The following DMBT1 variants were observed in gnomAD, a reference collection of about 807,000 sequenced individuals.
DMBT1 encodes scavenger receptor cysteine-rich domain-containing protein DMBT1.
In DMBT1, 198 loss-of-function variants were observed where a neutral mutation model predicts 252.9. That is an observed-to-expected ratio of 0.78 (90% CI 0.70 to 0.88). The LOEUF is 0.88. DMBT1 is among the 40% of genes least tolerant of loss of function. The pLI is 0.00. For missense variants in DMBT1, 2,432 were observed against 2,404.7 expected (o/e 1.01, Z -0.24); for synonymous variants, 990 against 942.7 (o/e 1.05, Z -0.92).
In DMBT1 at chr10:122,618,330, C is replaced by A. The variant is rs1346001086; in HGVS notation, c.5205C>A (p.Val1735=). 2 of 1,613,878 alleles carry A rather than the reference C, an allele frequency of 1.2e-6. No individual in the cohort carries two copies. Among genetic ancestry groups the A allele is most frequent in the Non-Finnish European group, 1.7e-6 (2 of 1,179,776 alleles). The change falls in exon 41 of 56, where the codon GTC becomes GTA. Residue 1735 remains valine (V), a synonymous_variant. Coordinates refer to ENST00000338354, the MANE Select transcript of DMBT1 (RefSeq NM_001377530.1). Reference sequence around the variant, plus strand: ...GTGGCCATCATGAAGATGCTGGTGTCATCTGCTCAGGTGGGCTTTCAAGAC... The same window carrying A: ...GTGGCCATCATGAAGATGCTGGTGTAATCTGCTCAGGTGGGCTTTCAAGAC... ...HNCGHHEDAG[V]ICSAAQSQST... is the part of the protein sequence containing the mutation.
Position 122,643,369 on chromosome 10 carries a change from C to A in DMBT1, c.7600C>A (p.Pro2534Thr), listed in dbSNP as rs539918670. 1 of 1,613,772 alleles carries A rather than the reference C, an allele frequency of 6.2e-7. No homozygotes were observed. The highest frequency in any genetic ancestry group is 8.5e-7 in the Non-Finnish European group (1 of 1,179,780). Residue 2534 changes from proline (P) to threonine (T), a missense_variant, in exon 56 of 56, where the codon CCC becomes ACC. Pro to Thr is a conservative substitution (Grantham distance 38). Around this residue, in one of 3 missense-constraint regions of DMBT1, gnomAD observed 1,162 missense variants for 1,169.0 expected, o/e 0.99. Coordinates refer to ENST00000338354, the MANE Select transcript of DMBT1 (RefSeq NM_001377530.1). ...CCTGGGTCCCATCCAGCTGCAGACC[C>A]CCCCACGCCGAGAAGAGGAGCCTCG... ...VVLGPIQLQTPPRREEEPR is the reference protein window; with the variant it reads ...VVLGPIQLQTTPRREEEPR
In DMBT1 at chr10:122,623,791, C is replaced by T. The variant is rs542250654; in HGVS notation, c.5609-1486C>T. On this transcript the variant is annotated intron_variant, in intron 44 of 55. Transcript: ENST00000338354. Reference sequence around the variant, plus strand: ...AGTATCTTAGCCCAGGCTCACAGGACAGGGTTCAGGTACACAGAGGGATCA... The same window carrying T: ...AGTATCTTAGCCCAGGCTCACAGGATAGGGTTCAGGTACACAGAGGGATCA... Among the ~76,000 whole-genome samples the T allele has an allele frequency of 1.4e-4, 21 of 152,322 alleles. No individual in the cohort carries two copies. In the South Asian group the frequency reaches 3.7e-3, roughly 27 times the overall value.
At chr10:122,561,481 G>A (rs2097545235) in intron 1 of DMBT1, among the ~76,000 whole-genome samples, 1 of 152,100 alleles carries the variant, frequency 6.6e-6, no homozygotes, top group African/African-American at 2.4e-5. Flanking sequence ...CACTCTGATT[G>A]CTGCATCTCA....
At chr10:122,638,332 C>CATTCACACCT in intron 54 of DMBT1, among the ~76,000 whole-genome samples, 1 of 152,246 alleles carries the variant, frequency 6.6e-6, no homozygotes, top group Admixed American at 6.5e-5. Context: ...CATTCACACC[C>CATTCACACCT]GTTTGGAGCG....
At chr10:122,572,657 A>G (rs566889780) in intron 5 of DMBT1, among the ~76,000 whole-genome samples, 1 of 129,206 alleles carries the variant, frequency 7.7e-6, no homozygotes, top group Non-Finnish European at 1.6e-5. Context: ...AATGAAGGCC[A>G]AGGGATCATC....
At chr10:122,576,957 C>G (rs546711253) in intron 7 of DMBT1, among the ~76,000 whole-genome samples, 1 of 152,354 alleles carries the variant, frequency 6.6e-6, no homozygotes, top group Admixed American at 6.5e-5. Flanking sequence ...CCGCCCAAGT[C>G]TTTCCTGGTT....
chr10:122,619,936 C>A (rs1437219647), intron 42 of DMBT1, among the ~76,000 whole-genome samples: 1 of 152,244 alleles, frequency 6.6e-6, no homozygotes, highest in Non-Finnish European at 1.5e-5. Flanking sequence ...AACATTTTAG[C>A]TCGAACTGTC....
At chr10:122,629,623 T>A (rs1368737151) in intron 46 of DMBT1, among the ~76,000 whole-genome samples, 3 of 152,238 alleles carry the variant, frequency 2.0e-5, no homozygotes, top group African/African-American at 7.2e-5. Flanking sequence ...AGAGGGTTGC[T>A]GTCCAGGCCT....
Position 122,585,285 on chromosome 10 carries a change from A to G in DMBT1, c.1435A>G (p.Ile479Val), listed in dbSNP as rs761101510. Residue 479 changes from isoleucine to valine, a missense_variant, in exon 15 of 56, where the codon ATC becomes GTC. Coordinates refer to ENST00000338354, the MANE Select transcript of DMBT1 (RefSeq NM_001377530.1). ...STPSPDTLPT[I>V]TLPASTVGSE... ...TGCAATTACAGACACGTTGCCGACC[A>G]TCACCTTACCTGCATCGACAGTAGG... 36 of 1,586,882 alleles carry G rather than the reference A, an allele frequency of 2.3e-5. 1 individual carries two copies. In the Admixed American group the frequency reaches 5.5e-4, roughly 24 times the overall value.
intron 47 of DMBT1, 136 bp from the exon 48 acceptor site, chr10:122,630,152 G>A (rs2098149759): frequency 7.4e-7 from 1 of 1,351,360 alleles, no homozygotes; most frequent in East Asian, 2.3e-5. Context: ...GAACACTGAT[G>A]TCCTTTGACT....
At position 122,572,360 on chromosome 10, in the gene DMBT1, A is replaced by T. The variant is rs1415516926; in HGVS notation, c.234A>T (p.Glu78Asp). 6.2e-7 allele frequency: 1 copy of T among 1,613,046 alleles called. No homozygotes were observed. Among genetic ancestry groups the T allele is most frequent in the Non-Finnish European group, 8.5e-7 (1 of 1,179,176 alleles). Reference protein sequence around the residue: ...LESTLESTVAEGSLIPSESTL... With the variant: ...LESTLESTVADGSLIPSESTL... ...CAACCCTGGAGTCAACCGTAGCAGA[A>T]GGTAACGTCTACTATGGGGGAGCTC... is the stretch of plus-strand genomic sequence containing the variant. Residue 78 changes from glutamate (E) to aspartate (D), a missense_variant and splice_region_variant, in exon 5 of 56, where the codon GAA becomes GAT. By Grantham distance (45) the Glu-to-Asp change is conservative (BLOSUM62 2). Coordinates refer to ENST00000338354, the MANE Select transcript of DMBT1 (RefSeq NM_001377530.1).
In DMBT1 at chr10:122,620,281, A is replaced by G. The variant is rs541429602; in HGVS notation, c.5274A>G (p.Ala1758=). ...PDTWLTTNLP[A]LTVGSESSLA... ...CTTGGCTGACCACCAACTTACCGGCATTGACAGTAGGTAAATAATCCTCTC... is the reference window on the plus strand; with the variant it reads ...CTTGGCTGACCACCAACTTACCGGCGTTGACAGTAGGTAAATAATCCTCTC... The change falls in exon 43 of 56, where the codon GCA becomes GCG. Residue 1758 remains alanine, a synonymous_variant. Transcript: ENST00000338354. The G allele has an allele frequency of 6.2e-7, 1 of 1,613,924 alleles. No individual in the cohort carries two copies. Among genetic ancestry groups the G allele is most frequent in the South Asian group, 1.1e-5 (1 of 91,076 alleles).
intron 44 of DMBT1, 22 bp downstream of exon 44, chr10:122,621,402 C>T: frequency 1.2e-6 from 2 of 1,613,778 alleles, no homozygotes; most frequent in South Asian, 1.1e-5. Flanking sequence ...AGACCTGGGG[C>T]TCCCTCTCTT....
intron 52 of DMBT1, among the ~76,000 whole-genome samples, chr10:122,634,455 TC>T (rs1323164230): frequency 3.0e-5 from 3 of 99,892 alleles, no homozygotes; most frequent in African/African-American, 1.7e-4. Context: ...TCTCTCTCTC[TC>T]TCTCTCTCTC....
chr10:122,564,384 G>A (rs567148186), intron 1 of DMBT1, among the ~76,000 whole-genome samples: 1 of 152,314 alleles, frequency 6.6e-6, no homozygotes, highest in African/African-American at 2.4e-5. Context: ...CAGGAGGCTC[G>A]CTTGAACCCA....
chr10:122,586,434 G>A lies in DMBT1; in HGVS notation c.1783+51G>A, dbSNP rs1012586696. On this transcript the variant is annotated intron_variant, in intron 16 of 55. Coordinates refer to ENST00000338354, the MANE Select transcript of DMBT1 (RefSeq NM_001377530.1). The stretch of plus-strand genomic sequence containing the variant: ...CTCTCTTGGGGTAGATTTTGCTCAG[G>A]AAGGTTTTATTATGTTCTAATCTCC... The A allele has an allele frequency of 3.8e-6, 6 of 1,580,312 alleles. No homozygotes were observed. The Admixed American group carries it at 1.0e-4, about 27-fold the overall frequency.
chr10:122,642,119 C>T (rs1844652129), intron 55 of DMBT1, among the ~76,000 whole-genome samples: 1 of 151,944 alleles, frequency 6.6e-6, no homozygotes, highest in Non-Finnish European at 1.5e-5. Flanking sequence ...TGTCCCACCT[C>T]TGAACAAGCC....
Position 122,630,459 on chromosome 10 carries a change from C to T in DMBT1, c.5994C>T (p.Gly1998=). ...GTGACATCAGTTTCCAAAACACTGG[C>T]TTTTTGGCTTGGTATAACTCCTTCC... is the stretch of plus-strand genomic sequence containing the variant. ...FRSDISFQNT[G]FLAWYNSFPS... Residue 1998 remains glycine (G), a synonymous_variant, in exon 48 of 56, where the codon GGC becomes GGT. Transcript: ENST00000338354. The T allele has an allele frequency of 6.2e-7, 1 of 1,613,988 alleles. No homozygotes were observed. Among genetic ancestry groups the T allele is most frequent in the Non-Finnish European group, 8.5e-7 (1 of 1,179,894 alleles).
intron 2 of DMBT1, 73 bp from the exon 3 acceptor site, chr10:122,570,089 C>A: frequency 1.5e-6 from 2 of 1,357,864 alleles, no homozygotes; most frequent in Non-Finnish European, 2.1e-6. Context: ...TGCTTGAGAG[C>A]TGAGGAAGCC....
Sources: allele counts gnomAD v4.1 joint callset (sites outside exome capture counted in the v4.1 genomes callset), GRCh38; gene constraint gnomAD v4.1.1; regional missense constraint gnomAD v4.1.1; transcripts MANE v1.5; gene names NCBI Gene and HGNC (gene_info 2026-07-23, HGNC 2026-07-21).